Variants in AHSA1 observed in about 807,000 individuals in gnomAD.
The protein encoded by AHSA1 is activator of HSP90 ATPase activity 1, also known as activator of 90 kDa heat shock protein ATPase homolog 1.
A neutral mutation model predicts 46.1 loss-of-function variants in AHSA1; 14 were observed. The observed-to-expected ratio is 0.30, with a 90% CI of 0.20 to 0.47. AHSA1 has a LOEUF of 0.47. Among genes scored for constraint, AHSA1 ranks in the 20% least tolerant of loss-of-function variants. The pLI is 0.99. For synonymous variants in AHSA1, 147 were observed against 145.8 expected (o/e 1.01, Z -0.06); for missense variants, 333 against 415.9 (o/e 0.80, Z 1.73).
upstream of AHSA1, chr14:77,457,979 C>T (rs903776370): frequency 4.5e-5 from 24 of 529,352 alleles, no homozygotes; most frequent in Admixed American, 1.2e-4. Flanking sequence ...AGGCGGAACC[C>T]ACGGTGCGGC....
At chr14:77,461,168 A>G (rs1270354892) in intron 2 of AHSA1, among the ~76,000 whole-genome samples, 1 of 152,036 alleles carries the variant, frequency 6.6e-6, no homozygotes, top group Non-Finnish European at 1.5e-5. Flanking sequence ...CAAAAAAAAT[A>G]AAAAATAGGT....
At chr14:77,459,862 G>C (rs757069875) in intron 2 of AHSA1, 56 bp downstream of exon 2, 1 of 1,589,568 alleles carries the variant, frequency 6.3e-7, no homozygotes, top group South Asian at 1.1e-5. Context: ...AACCTGTTAA[G>C]TAGCTGGAGA....
At chr14:77,464,480 C>CT in intron 4 of AHSA1, 118 bp from the exon 5 acceptor site, 3 of 869,328 alleles carry the variant, frequency 3.5e-6, no homozygotes, top group Admixed American at 5.5e-5. Context: ...TAGCCTCTTC[C>CT]TTTTCTGGTC....
At chr14:77,463,172 C>T (rs1197058190) in intron 4 of AHSA1, 10 of 200,604 alleles carry the variant, frequency 5.0e-5, no homozygotes, top group African/African-American at 1.6e-4. Flanking sequence ...CCCAGCTACT[C>T]GGGAGGCTGA....
intron 4 of AHSA1, 97 bp downstream of exon 4, chr14:77,462,856 A>G (rs916610236): frequency 3.0e-5 from 31 of 1,037,456 alleles, no homozygotes; most frequent in Non-Finnish European, 3.9e-5. Context: ...GCAAATGGGT[A>G]AAGATTTGGG....
Position 77,469,331 on chromosome 14 carries a change from A to T in AHSA1, c.*82A>T. On this transcript the variant is annotated 3_prime_UTR_variant, in exon 9 of 9. Coordinates refer to ENST00000216479, the MANE Select transcript of AHSA1 (RefSeq NM_012111.3). The stretch of plus-strand genomic sequence containing the variant: ...TGGGGCTTGCGACTCACAGGATTGC[A>T]TCGTCCCAGCTGCTAACTTGGGGCC... 1.3e-6 allele frequency: 2 copies of T among 1,531,500 alleles called. No homozygotes were observed. The highest frequency in any genetic ancestry group is 3.9e-5 in the Admixed American group (2 of 51,530). 94.9% of individuals were successfully genotyped at this position (1,531,500 alleles called of 1,614,324 possible).
chr14:77,469,303 G>A lies in AHSA1; in HGVS notation c.*54G>A. ...GGACACTTCAGTCCAGCTCTCTCCTGACTGGGGCTTGCGACTCACAGGATT... is the reference window on the plus strand; with the variant it reads ...GGACACTTCAGTCCAGCTCTCTCCTAACTGGGGCTTGCGACTCACAGGATT... On this transcript the variant is annotated 3_prime_UTR_variant, in exon 9 of 9. Coordinates refer to ENST00000216479, the MANE Select transcript of AHSA1 (RefSeq NM_012111.3). 6.3e-7 allele frequency: 1 copy of A among 1,584,202 alleles called. No individual in the cohort carries two copies. The highest frequency in any genetic ancestry group is 1.3e-5 in the African/African-American group (1 of 74,366).
At chr14:77,460,035 G>A (rs75251453) in intron 2 of AHSA1, 54 of 550,402 alleles carry the variant, frequency 9.8e-5, no homozygotes, top group African/African-American at 7.2e-4. Flanking sequence ...TGAAGTGGCC[G>A]GGCCACTGCA....
intron 2 of AHSA1, among the ~76,000 whole-genome samples, chr14:77,461,898 A>C (rs1032064727): frequency 2.0e-5 from 3 of 152,250 alleles, no homozygotes; most frequent in Non-Finnish European, 4.4e-5. Context: ...CCAAGTTCTC[A>C]TGGTATAACT....
At chr14:77,463,861 T>G (rs371140179) in intron 4 of AHSA1, among the ~76,000 whole-genome samples, 1 of 152,208 alleles carries the variant, frequency 6.6e-6, no homozygotes, top group East Asian at 1.9e-4. Context: ...AGACACCTTT[T>G]TGGGGAGGAC....
rs144154385 is a variant in AHSA1, at chr14:77,465,320, T to C, written c.562-219T>C. On this transcript the variant is annotated intron_variant, in intron 5 of 8. Coordinates refer to ENST00000216479, the MANE Select transcript of AHSA1 (RefSeq NM_012111.3). ...TATTTGACTATCAGGGTCTTCCTTG[T>C]AGAGTGGTTATTTTTACTGGGAATT... 4.6e-5 allele frequency among the ~76,000 whole-genome samples: 7 copies of C among 152,358 alleles called. No homozygotes were observed. The South Asian group carries it at 1.4e-3, about 32-fold the overall frequency.
At chr14:77,459,537 T>C (rs2139935868) in intron 1 of AHSA1, 79 bp from the exon 2 acceptor site, 1 of 1,474,228 alleles carries the variant, frequency 6.8e-7, no homozygotes, top group East Asian at 2.3e-5. Flanking sequence ...TCAGGCCTCC[T>C]TTAACCTCGT....
chr14:77,464,800 G>A (rs745699507), intron 5 of AHSA1, 114 bp downstream of exon 5: 16 of 859,166 alleles, frequency 1.9e-5, no homozygotes, highest in East Asian at 1.3e-4. Context: ...ACCAGCCTGC[G>A]ATCTGCTCAT....
chr14:77,463,327 A>G (rs11620678), intron 4 of AHSA1, among the ~76,000 whole-genome samples: 65,503 of 151,630 alleles, frequency 0.43, 16,707 homozygotes, highest in East Asian at 0.92. Context: ...AGTGGCTCAC[A>G]CCTATAATCC....
chr14:77,461,082 C>T (rs2079021621), intron 2 of AHSA1, among the ~76,000 whole-genome samples: 1 of 151,848 alleles, frequency 6.6e-6, no homozygotes, highest in South Asian at 2.1e-4. Context: ...TCGCTTGAAC[C>T]CAGGAGGCGG....
At chr14:77,468,264 G>A (rs2079057053) in intron 7 of AHSA1, 80 bp downstream of exon 7, 1 of 1,151,652 alleles carries the variant, frequency 8.7e-7, no homozygotes, top group Non-Finnish European at 1.2e-6. Context: ...AACTCTATAG[G>A]TAAAATGTAA....
intron 2 of AHSA1, among the ~76,000 whole-genome samples, chr14:77,461,794 CATT>C (rs2079026317): frequency 6.6e-6 from 1 of 152,180 alleles, no homozygotes; most frequent in African/African-American, 2.4e-5. Flanking sequence ...ATGAACTTCT[CATT>C]ATAATCAAAT....
Position 77,468,473 on chromosome 14 carries a change from T to C in AHSA1, c.809T>C (p.Ile270Thr), listed in dbSNP as rs2079057896. 1 of 1,613,504 alleles carries C rather than the reference T, an allele frequency of 6.2e-7. No homozygotes were observed. Among genetic ancestry groups the C allele is most frequent in the Non-Finnish European group, 8.5e-7 (1 of 1,179,616 alleles). ...EFTDLVPEKHIVMKWRFKSWP... is the reference protein window; with the variant it reads ...EFTDLVPEKHTVMKWRFKSWP... ...TTATTTTAGGTCCCTGAGAAACATA[T>C]TGTGATGAAGTGGAGGTTTAAATCT... The change falls in exon 8 of 9, where the codon ATT (isoleucine) becomes ACT (threonine). Residue 270 changes from isoleucine to threonine, a missense_variant. Transcript: ENST00000216479.
At chr14:77,464,416 A>G (rs750810702) in intron 4 of AHSA1, among the ~76,000 whole-genome samples, 182 bp from the exon 5 acceptor site, 3 of 152,182 alleles carry the variant, frequency 2.0e-5, no homozygotes, top group Admixed American at 6.5e-5. Flanking sequence ...ACTGTATTCT[A>G]TAGCATATAC....
Sources: gnomAD v4.1 joint callset for allele counts (sites outside exome capture counted in the v4.1 genomes callset) on GRCh38, gnomAD v4.1.1 for gene constraint, MANE v1.5 for transcripts, NCBI Gene and HGNC (gene_info 2026-07-23, HGNC 2026-07-21) for gene names.